KHDRBS3: variants seen among roughly 807,000 people sequenced by gnomAD.
The protein encoded by KHDRBS3 is KH RNA binding domain containing, signal transduction associated 3.
Under a neutral mutation model 45.6 loss-of-function variants are expected in KHDRBS3, and 23 were observed. That is an observed-to-expected ratio of 0.50 (90% CI 0.36 to 0.72). The LOEUF is 0.72. Ranked by LOEUF, KHDRBS3 falls within the 30% of genes least tolerant of loss-of-function variation. The pLI is 0.00. For synonymous variants in KHDRBS3, 162 were observed against 156.5 expected (o/e 1.04, Z -0.26); for missense variants, 352 against 424.8 (o/e 0.83, Z 1.51).
rs538207036 is a variant in KHDRBS3 at position 135,473,367 on chromosome 8, C to T, written c.88+15413C>T. On this transcript the variant is annotated intron_variant, in intron 1 of 8. Coordinates refer to ENST00000355849, the MANE Select transcript of KHDRBS3 (RefSeq NM_006558.3). The stretch of plus-strand genomic sequence containing the variant: ...ACATGCATGCTGAAACTGCTGCTTT[C>T]GTTCTGAATGTTTTTGGTTAGTGTT... Among the ~76,000 whole-genome samples the T allele has an allele frequency of 3.9e-5, 6 of 152,240 alleles. No homozygotes were observed. In the South Asian group the frequency reaches 6.2e-4, roughly 16 times the overall value.
intron 1 of KHDRBS3, among the ~76,000 whole-genome samples, chr8:135,499,651 T>C (rs1823633671): frequency 6.6e-6 from 1 of 152,232 alleles, no homozygotes; most frequent in Non-Finnish European, 1.5e-5. Flanking sequence ...CAGTTTGTTC[T>C]TTCATTGCAT....
At chr8:135,595,829 C>T (rs746089375) in intron 6 of KHDRBS3, among the ~76,000 whole-genome samples, 1 of 152,260 alleles carries the variant, frequency 6.6e-6, no homozygotes, top group African/African-American at 2.4e-5. Context: ...ACACAGTGGT[C>T]GACAGGCAGA....
At chr8:135,621,102 C>T (rs1056545017) in intron 7 of KHDRBS3, among the ~76,000 whole-genome samples, 5 of 136,838 alleles carry the variant, frequency 3.7e-5, no homozygotes, top group Admixed American at 8.9e-5. Flanking sequence ...ACTCTGGCTA[C>T]GTGGAAGAAT....
intron 3 of KHDRBS3, 143 bp from the exon 4 acceptor site, chr8:135,548,604 CTTCTTTT>C: frequency 3.7e-6 from 2 of 540,764 alleles, no homozygotes; most frequent in South Asian, 7.9e-5. Flanking sequence ...TAGCTTAAAC[CTTCTTTT>C]TTAGAGTAGT....
chr8:135,631,814 T>C (rs765152226), intron 7 of KHDRBS3, among the ~76,000 whole-genome samples: 3 of 152,158 alleles, frequency 2.0e-5, no homozygotes, highest in African/African-American at 7.2e-5. Context: ...ACTGGCATAG[T>C]CCTTTAATTT....
intron 6 of KHDRBS3, among the ~76,000 whole-genome samples, chr8:135,589,004 C>T (rs965956338): frequency 1.3e-5 from 2 of 152,170 alleles, no homozygotes; most frequent in African/African-American, 2.4e-5. Flanking sequence ...CAAATAGCTA[C>T]CAAGTCTTTT....
Position 135,537,061 on chromosome 8 carries a change from G to A in KHDRBS3, c.208-5593G>A, listed in dbSNP as rs191965541. ...ATTAGATCATTAACATGTATTAAAC[G>A]CCCTCTCTATTCATGTTGGAGAGAT... On this transcript the variant is annotated intron_variant, in intron 2 of 8. Transcript: ENST00000355849. Among the ~76,000 whole-genome samples the A allele has an allele frequency of 7.2e-4, 105 of 146,422 alleles. 1 individual carries two copies. The highest frequency in any genetic ancestry group is 5.7e-4 in the Non-Finnish European group (38 of 67,194).
At chr8:135,593,157 T>A (rs989562230) in intron 6 of KHDRBS3, among the ~76,000 whole-genome samples, 1 of 152,142 alleles carries the variant, frequency 6.6e-6, no homozygotes, top group Non-Finnish European at 1.5e-5. Flanking sequence ...TTGATGCAGA[T>A]ATAAGAGGGC....
At chr8:135,590,121 A>G (rs1277898779) in intron 6 of KHDRBS3, among the ~76,000 whole-genome samples, 1 of 152,222 alleles carries the variant, frequency 6.6e-6, no homozygotes, top group Admixed American at 6.5e-5. Flanking sequence ...AGAGCCCACT[A>G]CCGCCTAGGC....
intron 1 of KHDRBS3, among the ~76,000 whole-genome samples, chr8:135,495,580 A>G (rs2130459090): frequency 6.6e-6 from 1 of 152,202 alleles, no homozygotes; most frequent in Non-Finnish European, 1.5e-5. Context: ...CAGCACTTTT[A>G]CTCCCACTTC....
chr8:135,527,033 C>T (rs945204165), intron 2 of KHDRBS3, among the ~76,000 whole-genome samples: 1 of 151,884 alleles, frequency 6.6e-6, no homozygotes, highest in African/African-American at 2.4e-5. Context: ...AACAAGGTAC[C>T]CTGTCTTTGA....
intron 1 of KHDRBS3, among the ~76,000 whole-genome samples, chr8:135,470,795 A>G (rs1450266272): frequency 6.6e-6 from 1 of 152,118 alleles, no homozygotes; most frequent in East Asian, 1.9e-4. Context: ...CATGTTGGCC[A>G]GGGTGGTCTT....
At chr8:135,611,612 C>T (rs72734006) in intron 7 of KHDRBS3, among the ~76,000 whole-genome samples, 13,453 of 151,870 alleles carry the variant, frequency 0.089, 884 homozygotes, top group East Asian at 0.18. Context: ...TATCTGTGCA[C>T]TAACATTTCT....
At chr8:135,602,587 A>G (rs905059931) in intron 6 of KHDRBS3, among the ~76,000 whole-genome samples, 1 of 143,820 alleles carries the variant, frequency 7.0e-6, no homozygotes, top group African/African-American at 2.5e-5. Context: ...TTTTTTTTTT[A>G]TAATTCTAGT....
At chr8:135,568,699 A>T in intron 5 of KHDRBS3, among the ~76,000 whole-genome samples, 1 of 152,246 alleles carries the variant, frequency 6.6e-6, no homozygotes, top group Non-Finnish European at 1.5e-5. Context: ...TAGTGAAAGT[A>T]ATAAACATGT....
At chr8:135,588,514 G>T (rs529707675) in intron 6 of KHDRBS3, among the ~76,000 whole-genome samples, 1 of 152,176 alleles carries the variant, frequency 6.6e-6, no homozygotes, top group Admixed American at 6.5e-5. Flanking sequence ...TCCCCTCCTT[G>T]GAGGTCAAAG....
chr8:135,556,881 T>G (rs528847157), intron 4 of KHDRBS3, among the ~76,000 whole-genome samples: 1 of 152,346 alleles, frequency 6.6e-6, no homozygotes, highest in East Asian at 1.9e-4. Flanking sequence ...TTTTCAGGAA[T>G]AAGATTATGT....
At chr8:135,566,468 A>G (rs1178473620) in intron 5 of KHDRBS3, among the ~76,000 whole-genome samples, 2 of 152,232 alleles carry the variant, frequency 1.3e-5, no homozygotes, top group Admixed American at 6.5e-5. Context: ...CCTCCCAAGA[A>G]TGTAAAACTA....
rs1309465254 is a variant in KHDRBS3, at chr8:135,541,258, A to G, written c.208-1396A>G. On this transcript the variant is annotated intron_variant, in intron 2 of 8. Transcript: ENST00000355849. ...ATAATAGGATTTTCAGAAAGATAAT[A>G]AAAGTAAATGGGGAGCTAGAATCAG... 7 of 152,234 alleles carry G rather than the reference A, an allele frequency of 4.6e-5. 1 individual carries two copies. The highest frequency in any genetic ancestry group is 7.3e-5 in the Non-Finnish European group (5 of 68,052). The allele number at this position is 152,234 out of a possible 1,614,324, so 9.4% of individuals were successfully genotyped here.
Sources: allele counts gnomAD v4.1 joint callset (sites outside exome capture counted in the v4.1 genomes callset), GRCh38; gene constraint gnomAD v4.1.1; transcripts MANE v1.5; gene names NCBI Gene and HGNC (gene_info 2026-07-23, HGNC 2026-07-21).